ABCA12: variants seen among roughly 807,000 people sequenced by gnomAD.
ABCA12 encodes the protein ATP binding cassette subfamily A member 12.
Under a neutral mutation model 293.5 loss-of-function variants are expected in ABCA12, and 156 were observed. The observed-to-expected ratio is 0.53, with a 90% CI of 0.47 to 0.61. The LOEUF is 0.61. Among genes scored for constraint, ABCA12 ranks in the 20% least tolerant of loss-of-function variants. The pLI is 0.00. For synonymous variants in ABCA12, 1,063 were observed against 1,108.0 expected, an observed-to-expected ratio of 0.96 and a Z score of 0.81; for missense variants, 2,797 against 3,090.2, an observed-to-expected ratio of 0.91 and a Z score of 2.25.
chr2:214,986,487 C>T (rs1699789635), intron 28 of ABCA12, 55 bp downstream of exon 28: 1 of 1,519,720 alleles, frequency 6.6e-7, no homozygotes, highest in Non-Finnish European at 9.1e-7. Flanking sequence ...TTTTTTTACA[C>T]CTGTATTTTT....
intron 15 of ABCA12, chr2:215,013,476 G>T (rs1439200504): frequency 6.5e-6 from 1 of 153,316 alleles, no homozygotes; most frequent in East Asian, 1.9e-4. Context: ...TGAAGATATG[G>T]TTACCTCAAT....
intron 19 of ABCA12, among the ~76,000 whole-genome samples, chr2:215,006,174 C>T (rs1700248782): frequency 6.6e-6 from 1 of 152,166 alleles, no homozygotes; most frequent in African/African-American, 2.4e-5. Flanking sequence ...ATGTATAGAA[C>T]ACATCCTGTT....
At chr2:215,106,963 T>C (rs1385712129) in intron 2 of ABCA12, among the ~76,000 whole-genome samples, 1 of 152,142 alleles carries the variant, frequency 6.6e-6, no homozygotes, top group East Asian at 1.9e-4. Flanking sequence ...CCCAGGAGTG[T>C]TAGAAAGTGA....
At chr2:214,957,971 T>A (rs1476461960) in intron 41 of ABCA12, among the ~76,000 whole-genome samples, 1 of 152,156 alleles carries the variant, frequency 6.6e-6, no homozygotes, top group African/African-American at 2.4e-5. Context: ...GGGATCTTTT[T>A]AAAAATGCAT....
chr2:215,045,222 A>G (rs965316938), intron 7 of ABCA12, among the ~76,000 whole-genome samples: 1 of 152,184 alleles, frequency 6.6e-6, no homozygotes, highest in African/African-American at 2.4e-5. Context: ...TAAACTCTAA[A>G]TACTGGCCGT....
chr2:215,058,081 T>C (rs1349665027), intron 3 of ABCA12, among the ~76,000 whole-genome samples: 1 of 152,022 alleles, frequency 6.6e-6, no homozygotes, highest in Non-Finnish European at 1.5e-5. Context: ...CCCATTTGTG[T>C]TTGTTATAGA....
In ABCA12 at chr2:214,978,985, A is replaced by T; in HGVS notation, c.4796T>A (p.Ile1599Asn). ...VCDTMAVTAM[I>N]QSHLPEAYLK... ...GTAGGCTTCGGGGAGATGTGATTGGATCATTGCTGTCACGGCCATGGTGTC... is the reference window on the plus strand; with the variant it reads ...GTAGGCTTCGGGGAGATGTGATTGGTTCATTGCTGTCACGGCCATGGTGTC... Residue 1599 changes from isoleucine to asparagine, a missense_variant, in exon 32 of 53, where the codon ATC (isoleucine) becomes AAC (asparagine). Coordinates refer to ENST00000272895, the MANE Select transcript of ABCA12 (RefSeq NM_173076.3). 1 of 1,614,086 alleles carries T rather than the reference A, an allele frequency of 6.2e-7. No homozygotes were observed.
At chr2:215,004,518 T>C (rs955155009) in intron 19 of ABCA12, among the ~76,000 whole-genome samples, 1 of 152,166 alleles carries the variant, frequency 6.6e-6, no homozygotes, top group Non-Finnish European at 1.5e-5. Flanking sequence ...TAGATACAAA[T>C]TGGTCAGCAT....
Position 214,955,370 on chromosome 2 carries a change from T to TA in ABCA12, c.6234-10dup, listed in dbSNP as rs1434860476. On this transcript the variant is annotated splice_polypyrimidine_tract_variant and intron_variant, in intron 42 of 52. Transcript: ENST00000272895. ...AGGAAAATGTTGCATACCTGCAGGT[T>TA]AAAAACACAAAGAATTAAAATTACG... is the stretch of plus-strand genomic sequence containing the variant. 3 of 1,613,776 alleles carry TA rather than the reference T, an allele frequency of 1.9e-6. No homozygotes were observed. The highest frequency in any genetic ancestry group is 2.7e-5 in the African/African-American group (2 of 74,904).
intron 31 of ABCA12, among the ~76,000 whole-genome samples, chr2:214,979,382 C>T (rs1422327198): frequency 6.6e-6 from 1 of 152,126 alleles, no homozygotes; most frequent in African/African-American, 2.4e-5. Context: ...CGATGTGTCC[C>T]ATTCTCTCAC....
At chr2:215,110,734 T>C (rs1399555947) in intron 2 of ABCA12, among the ~76,000 whole-genome samples, 1 of 152,228 alleles carries the variant, frequency 6.6e-6, no homozygotes, top group South Asian at 2.1e-4. Context: ...ACTAGCTTTT[T>C]ACTCTCTTTA....
intron 43 of ABCA12, 81 bp downstream of exon 43, chr2:214,955,121 T>G: frequency 1.3e-6 from 2 of 1,521,066 alleles, no homozygotes; most frequent in Non-Finnish European, 1.8e-6. Context: ...ATATTCTTCT[T>G]TTTTATGTAG....
chr2:215,000,282 A>T (rs1700116366), intron 22 of ABCA12, among the ~76,000 whole-genome samples: 1 of 152,172 alleles, frequency 6.6e-6, no homozygotes, highest in Non-Finnish European at 1.5e-5. Context: ...GTTTTCTTAA[A>T]ATTGATCATG....
intron 48 of ABCA12, among the ~76,000 whole-genome samples, 198 bp downstream of exon 48, chr2:214,947,224 A>T (rs558124153): frequency 1.2e-4 from 19 of 152,332 alleles, no homozygotes; most frequent in Middle Eastern, 3.4e-3. Flanking sequence ...TTGAGAGCAT[A>T]TTGTTGTGGT....
chr2:214,978,869 G>A lies in ABCA12; in HGVS notation c.4912C>T (p.Leu1638Phe), dbSNP rs1699582918. ...TTGAGGTCACCCATGCCATTGTCGA[G>A]TGCCCGTAGGAGTGACAGGTAGGCC... The part of the protein sequence containing the change: ...SGAYLSLLRA[L>F]DNGMGDLNIG... The change falls in exon 32 of 53, where the codon CTC becomes TTC. Residue 1638 changes from leucine (L) to phenylalanine (F), a missense_variant. Around this residue, in one of 3 missense-constraint regions of ABCA12, gnomAD observed 2,130 missense variants for 2,427.0 expected, o/e 0.88. Transcript: ENST00000272895. 1 of 1,614,094 alleles carries A rather than the reference G, an allele frequency of 6.2e-7. No homozygotes were observed. Among genetic ancestry groups the A allele is most frequent in the Non-Finnish European group, 8.5e-7 (1 of 1,179,988 alleles).
At chr2:215,025,565 A>G (rs958840318) in intron 11 of ABCA12, 108 bp downstream of exon 11, 2 of 741,534 alleles carry the variant, frequency 2.7e-6, no homozygotes, top group Non-Finnish European at 4.4e-6. Flanking sequence ...AAAACTTAAA[A>G]GTGTATCTTG....
intron 2 of ABCA12, among the ~76,000 whole-genome samples, chr2:215,066,434 A>T (rs1212223383): frequency 6.6e-6 from 1 of 152,120 alleles, no homozygotes. Context: ...CCATATTGCA[A>T]TACAAAGAGA....
chr2:215,095,117 C>T lies in ABCA12; in HGVS notation c.163+16480G>A, dbSNP rs185448530. 1.6e-4 allele frequency among the ~76,000 whole-genome samples: 24 copies of T among 151,572 alleles called. 1 individual carries two copies. The South Asian group carries it at 1.9e-3, about 12-fold the overall frequency. On this transcript the variant is annotated intron_variant, in intron 2 of 52. Transcript: ENST00000272895. ...TGTTTTGTTTATTATGAATACAAGA[C>T]GACAGGAATAGGCCTTGACTTACTC...
At chr2:214,943,508 A>G (rs1485371204) in intron 49 of ABCA12, among the ~76,000 whole-genome samples, 1 of 152,078 alleles carries the variant, frequency 6.6e-6, no homozygotes, top group African/African-American at 2.4e-5. Flanking sequence ...CCAATCTCTT[A>G]AAATATAAAT....
Sources: allele counts gnomAD v4.1 joint callset (sites outside exome capture counted in the v4.1 genomes callset), GRCh38; gene constraint gnomAD v4.1.1; regional missense constraint gnomAD v4.1.1; transcripts MANE v1.5; gene names NCBI Gene and HGNC (gene_info 2026-07-23, HGNC 2026-07-21).